Variants in NRG1 observed in about 807,000 individuals in gnomAD.
NRG1 encodes pro-neuregulin-1, membrane-bound isoform.
Under a neutral mutation model 63.8 loss-of-function variants are expected in NRG1, and 18 were observed. That is an observed-to-expected ratio of 0.28 (90% CI 0.19 to 0.42). The LOEUF (loss-of-function observed/expected upper bound fraction) is 0.42, where lower values mean the gene tolerates loss of function less well. Among genes scored for constraint, NRG1 ranks in the 10% least tolerant of loss-of-function variants. The pLI, the probability that NRG1 is intolerant of heterozygous loss-of-function variation, is 1.00. For synonymous variants in NRG1, 302 were observed against 301.3 expected (o/e 1.00, Z -0.02); for missense variants, 762 against 814.7 (o/e 0.94, Z 0.79).
intron 5 of NRG1, among the ~76,000 whole-genome samples, chr8:32,648,607 A>G (rs553152785): frequency 1.4e-4 from 21 of 152,170 alleles, no homozygotes; most frequent in Non-Finnish European, 2.8e-4. Flanking sequence ...CTCTAGCCAC[A>G]TGGCTCAATC....
intron 5 of NRG1, among the ~76,000 whole-genome samples, chr8:32,719,115 G>A (rs965420791): frequency 2.0e-5 from 3 of 152,058 alleles, no homozygotes; most frequent in African/African-American, 7.2e-5. Context: ...GAGTTTCACT[G>A]TTAAGGATCA....
intron 1 of NRG1, among the ~76,000 whole-genome samples, chr8:31,696,234 T>G (rs971771233): frequency 3.3e-5 from 5 of 152,106 alleles, no homozygotes; most frequent in African/African-American, 9.7e-5. Flanking sequence ...GTCCAGCTAA[T>G]TTTTGCATTT....
intron 1 of NRG1, among the ~76,000 whole-genome samples, chr8:31,895,389 G>A (rs571682337): frequency 6.6e-6 from 1 of 152,376 alleles, no homozygotes; most frequent in African/African-American, 2.4e-5. Flanking sequence ...TCAGCCAGGA[G>A]AAGGGAAAAT....
intron 1 of NRG1, among the ~76,000 whole-genome samples, chr8:32,312,802 C>T (rs934956251): frequency 6.6e-6 from 1 of 151,910 alleles, no homozygotes; most frequent in African/African-American, 2.4e-5. Flanking sequence ...TCCTTCCTTC[C>T]TTCCTTCCAT....
At chr8:32,649,159 C>CTT (rs35558760) in intron 5 of NRG1, among the ~76,000 whole-genome samples, 215 of 123,330 alleles carry the variant, frequency 1.7e-3, no homozygotes, top group African/African-American at 5.5e-3. Flanking sequence ...TGAGGTACAT[C>CTT]TTTTTTTTTT....
chr8:32,449,432 AAAC>A (rs1249974402), intron 1 of NRG1, among the ~76,000 whole-genome samples: 2 of 151,984 alleles, frequency 1.3e-5, no homozygotes, highest in African/African-American at 4.8e-5. Flanking sequence ...AAAAGAACAA[AAAC>A]AACAACAAAA....
chr8:32,605,542 C>G lies in NRG1; in HGVS notation c.279-20C>G. 2 of 1,612,306 alleles carry G rather than the reference C, an allele frequency of 1.2e-6. No individual in the cohort carries two copies. Among genetic ancestry groups the G allele is most frequent in the Non-Finnish European group, 1.7e-6 (2 of 1,178,848 alleles). On this transcript the variant is annotated intron_variant, in intron 2 of 11. Coordinates refer to ENST00000356819, the Ensembl canonical transcript of NRG1. The stretch of plus-strand genomic sequence containing the variant: ...ATTTCTGTGATATATACTGACACCA[C>G]TTTGGTCCTGATCTTATAGGAAGTC...
At chr8:32,352,593 A>G (rs1297847202) in intron 1 of NRG1, among the ~76,000 whole-genome samples, 1 of 152,134 alleles carries the variant, frequency 6.6e-6, no homozygotes, top group East Asian at 1.9e-4. Flanking sequence ...TTCATACTGT[A>G]AAGATGGCCA....
intron 1 of NRG1, among the ~76,000 whole-genome samples, chr8:31,959,197 C>T (rs1804991931): frequency 6.6e-6 from 1 of 152,168 alleles, no homozygotes; most frequent in Admixed American, 6.5e-5. Context: ...TGCTCCTGAG[C>T]TCTGTGTCTT....
intron 5 of NRG1, among the ~76,000 whole-genome samples, chr8:32,684,869 T>G (rs1313717423): frequency 1.3e-5 from 2 of 151,882 alleles, no homozygotes; most frequent in Non-Finnish European, 2.9e-5. Context: ...AAAAAACGCA[T>G]ACATATCCTA....
At chr8:32,665,591 G>A (rs141360656) in intron 5 of NRG1, among the ~76,000 whole-genome samples, 93 of 152,268 alleles carry the variant, frequency 6.1e-4, no homozygotes, top group African/African-American at 2.2e-3. Context: ...TCCAGGGAAA[G>A]GAATAGTTCA....
intron 1 of NRG1, among the ~76,000 whole-genome samples, chr8:31,927,669 C>T (rs1277817863): frequency 6.7e-6 from 1 of 148,722 alleles, no homozygotes; most frequent in African/African-American, 2.5e-5. Flanking sequence ...GGGATGGTCT[C>T]GATCTCCTGA....
At chr8:31,977,247 A>T (rs1808343113) in intron 1 of NRG1, among the ~76,000 whole-genome samples, 1 of 152,186 alleles carries the variant, frequency 6.6e-6, no homozygotes, top group African/African-American at 2.4e-5. Flanking sequence ...CTTCAAATTC[A>T]ACATGTCTAT....
intron 1 of NRG1, among the ~76,000 whole-genome samples, chr8:32,083,441 A>G (rs11782940): frequency 0.027 from 4,173 of 152,264 alleles, 142 homozygotes; most frequent in African/African-American, 0.079. Flanking sequence ...GGACATATCA[A>G]TACAATAGGT....
At chr8:32,650,624 A>G (rs907895771) in intron 5 of NRG1, among the ~76,000 whole-genome samples, 2 of 134,518 alleles carry the variant, frequency 1.5e-5, no homozygotes, top group African/African-American at 5.6e-5. Flanking sequence ...GTTGTTGTTT[A>G]AAAAGGTTGT....
chr8:32,014,721 C>G (rs575029396), intron 1 of NRG1, among the ~76,000 whole-genome samples: 9 of 150,920 alleles, frequency 6.0e-5, no homozygotes, highest in Admixed American at 6.6e-5. Context: ...CCCAACCCCC[C>G]CCCAAAAAAG....
chr8:31,732,311 A>T (rs147021718), intron 1 of NRG1, among the ~76,000 whole-genome samples: 3 of 152,154 alleles, frequency 2.0e-5, no homozygotes, highest in African/African-American at 7.2e-5. Context: ...TACTTCACTC[A>T]TTGAAAGCAG....
chr8:32,770,203 A>G (rs972682723), downstream of NRG1, among the ~76,000 whole-genome samples: 5 of 152,234 alleles, frequency 3.3e-5, no homozygotes, highest in South Asian at 2.1e-4. Context: ...ATTTGCTAAT[A>G]CAGAGAGAAA....
intron 1 of NRG1, among the ~76,000 whole-genome samples, chr8:32,305,414 C>T (rs902357156): frequency 5.8e-5 from 8 of 138,218 alleles, no homozygotes; most frequent in South Asian, 2.7e-4. Context: ...GTTCACCAGA[C>T]GAATTCTTCA....
Sources: gnomAD v4.1 joint callset for allele counts (sites outside exome capture counted in the v4.1 genomes callset) on GRCh38, gnomAD v4.1.1 for gene constraint, MANE v1.5 for transcripts, NCBI Gene and HGNC (gene_info 2026-07-23, HGNC 2026-07-21) for gene names.